Variants in NCAPG2 observed in about 807,000 individuals in gnomAD.
NCAPG2 encodes condensin-2 complex subunit G2.
In NCAPG2, 53 loss-of-function variants were observed where a neutral mutation model predicts 141.1. That is an observed-to-expected ratio of 0.38 (90% CI 0.30 to 0.47). NCAPG2 has a LOEUF of 0.47. Ranked by LOEUF, NCAPG2 falls within the 20% of genes least tolerant of loss-of-function variation. The pLI, the probability that NCAPG2 is intolerant of heterozygous loss-of-function variation, is 0.99. For synonymous variants in NCAPG2, 499 were observed against 490.7 expected (o/e 1.02, Z -0.22); for missense variants, 1,087 against 1,389.0 (o/e 0.78, Z 3.46).
At chr7:158,658,505 T>C in intron 16 of NCAPG2, 97 bp from the exon 17 acceptor site, 5 of 1,124,026 alleles carry the variant, frequency 4.4e-6, no homozygotes, top group Non-Finnish European at 3.6e-6. Flanking sequence ...ACTACCAAAG[T>C]TGCTCAAGAA....
At chr7:158,652,789 G>A (rs1268862450) in intron 22 of NCAPG2, among the ~76,000 whole-genome samples, 2 of 152,230 alleles carry the variant, frequency 1.3e-5, no homozygotes, top group African/African-American at 2.4e-5. Flanking sequence ...GTTCAGCAGT[G>A]TGGTTCCCTC....
At chr7:158,665,892 C>T (rs1392243175) in intron 13 of NCAPG2, among the ~76,000 whole-genome samples, 5 of 152,182 alleles carry the variant, frequency 3.3e-5, no homozygotes, top group African/African-American at 9.7e-5. Context: ...TGAAGCGCCC[C>T]GGGGATACTT....
In NCAPG2 at chr7:158,655,145, A is replaced by G. The variant is rs761857236; in HGVS notation, c.2619T>C (p.His873=). 5.8e-5 allele frequency: 94 copies of G among 1,613,444 alleles called. No individual in the cohort carries two copies. The highest frequency in any genetic ancestry group is 7.8e-5 in the Non-Finnish European group (92 of 1,179,924). The change falls in exon 21 of 28, where the codon CAT becomes CAC. Residue 873 remains histidine (H), a synonymous_variant. Coordinates refer to ENST00000356309, the MANE Select transcript of NCAPG2 (RefSeq NM_017760.7). ...QDQEEDYLKL[H]RVIYQQIIQT... ...GGATAATTTGCTGATAAATGACCCT[A>G]TGAAGCTTCAGGTAGTCTTCTTCTT...
intron 11 of NCAPG2, 77 bp from the exon 12 acceptor site, chr7:158,675,733 C>T: frequency 5.5e-6 from 8 of 1,441,580 alleles, no homozygotes; most frequent in South Asian, 1.3e-5. Flanking sequence ...CACGTGAGCA[C>T]TTCAGGGATT....
Position 158,693,295 on chromosome 7 carries a change from A to T in NCAPG2, c.267+14T>A, listed in dbSNP as rs761363585. Reference sequence around the variant, plus strand: ...AGAGAAAAACGTTTCTTATTTTTGAAAAACAAATACTACCATTTTTGAGCC... The same window carrying T: ...AGAGAAAAACGTTTCTTATTTTTGATAAACAAATACTACCATTTTTGAGCC... On this transcript the variant is annotated intron_variant, in intron 3 of 27. Coordinates refer to ENST00000356309, the MANE Select transcript of NCAPG2 (RefSeq NM_017760.7). 6.3e-7 allele frequency: 1 copy of T among 1,588,520 alleles called. No homozygotes were observed. The highest frequency in any genetic ancestry group is 2.0e-5 in the Admixed American group (1 of 50,598).
chr7:158,646,980 G>A (rs1164089906), intron 24 of NCAPG2, among the ~76,000 whole-genome samples: 2 of 150,750 alleles, frequency 1.3e-5, no homozygotes, highest in Non-Finnish European at 2.9e-5. Flanking sequence ...AGTGAGCCAT[G>A]TATCATGGCA....
At chr7:158,700,353 A>C (rs956264363) in intron 2 of NCAPG2, among the ~76,000 whole-genome samples, 6 of 152,236 alleles carry the variant, frequency 3.9e-5, no homozygotes, top group Non-Finnish European at 8.8e-5. Flanking sequence ...GGGTGGCTGG[A>C]AACAACGCAC....
In NCAPG2 at chr7:158,701,847, T is replaced by C; in HGVS notation, c.53A>G (p.Glu18Gly). Residue 18 changes from glutamate to glycine, a missense_variant, in exon 2 of 28, where the codon GAG (glutamate) becomes GGG (glycine). Physicochemically the swap from Glu to Gly is moderately conservative, Grantham distance 98. Transcript: ENST00000356309. ...VQAVSKELVG[E>G]FLQFVQLDKE... ...ATCAAGTTGAACAAATTGCAAAAAC[T>C]CTCCAACCAGCTCCTTAGACACGGC... The C allele has an allele frequency of 6.2e-7, 1 of 1,613,618 alleles. No homozygotes were observed. Among genetic ancestry groups the C allele is most frequent in the Non-Finnish European group, 8.5e-7 (1 of 1,179,896 alleles).
intron 15 of NCAPG2, among the ~76,000 whole-genome samples, chr7:158,663,068 C>T (rs980569804): frequency 2.0e-4 from 30 of 152,248 alleles, no homozygotes; most frequent in Non-Finnish European, 2.9e-5. Context: ...GCTGTCAACG[C>T]GGCAAGCCAC....
chr7:158,680,490 G>A (rs1287317302), intron 10 of NCAPG2, among the ~76,000 whole-genome samples: 1 of 152,072 alleles, frequency 6.6e-6, no homozygotes, highest in Non-Finnish European at 1.5e-5. Context: ...CCTAAACATG[G>A]TTACTTAAAA....
intron 16 of NCAPG2, among the ~76,000 whole-genome samples, chr7:158,661,417 G>C (rs1832494679): frequency 6.6e-6 from 1 of 152,086 alleles, no homozygotes; most frequent in South Asian, 2.1e-4. Context: ...CAAGGAATGA[G>C]AAGGTCCTGC....
chr7:158,669,213 T>C (rs1344306978), intron 13 of NCAPG2, among the ~76,000 whole-genome samples: 1 of 152,244 alleles, frequency 6.6e-6, no homozygotes, highest in African/African-American at 2.4e-5. Flanking sequence ...CTATTGTGAA[T>C]AGTGCTTCAA....
intron 16 of NCAPG2, among the ~76,000 whole-genome samples, chr7:158,660,528 G>T (rs369727006): frequency 3.4e-5 from 5 of 149,176 alleles, no homozygotes; most frequent in African/African-American, 1.2e-4. Context: ...AAGCAATCCT[G>T]CCTCAGCCTC....
chr7:158,644,523 C>G, intron 26 of NCAPG2, 135 bp from the exon 27 acceptor site: 1 of 683,472 alleles, frequency 1.5e-6, no homozygotes, highest in South Asian at 1.8e-5. Context: ...TACATACTGA[C>G]CCGCGGAATA....
intron 9 of NCAPG2, among the ~76,000 whole-genome samples, chr7:158,681,815 G>A (rs547078295): frequency 6.6e-6 from 1 of 152,106 alleles, no homozygotes; most frequent in Non-Finnish European, 1.5e-5. Context: ...AGTATATTTA[G>A]AGCTATGCTA....
intron 13 of NCAPG2, among the ~76,000 whole-genome samples, chr7:158,670,747 G>C (rs1291678248): frequency 6.6e-6 from 1 of 152,054 alleles, no homozygotes; most frequent in Non-Finnish European, 1.5e-5. Context: ...CCGACAAAAA[G>C]TTCCTCCTTG....
At chr7:158,674,777 T>C (rs1319299859) in intron 12 of NCAPG2, among the ~76,000 whole-genome samples, 2 of 152,226 alleles carry the variant, frequency 1.3e-5, no homozygotes, top group Non-Finnish European at 2.9e-5. Flanking sequence ...TCTAAACAGT[T>C]GATTCCAGTA....
chr7:158,697,166 G>A (rs1397239491), intron 2 of NCAPG2, among the ~76,000 whole-genome samples: 5 of 152,228 alleles, frequency 3.3e-5, no homozygotes, highest in Non-Finnish European at 7.3e-5. Flanking sequence ...GATGACAGCT[G>A]CATGTCTGTT....
intron 4 of NCAPG2, 101 bp downstream of exon 4, chr7:158,692,740 TC>T: frequency 2.3e-6 from 2 of 882,122 alleles, no homozygotes; most frequent in African/African-American, 1.7e-5. Context: ...AAACTCCGTC[TC>T]AAAAAAAATA....
Sources: allele counts gnomAD v4.1 joint callset (sites outside exome capture counted in the v4.1 genomes callset), GRCh38; gene constraint gnomAD v4.1.1; transcripts MANE v1.5; gene names NCBI Gene and HGNC (gene_info 2026-07-23, HGNC 2026-07-21).